Variants in INSL6 observed in about 807,000 individuals in gnomAD.
The protein encoded by INSL6 is insulin-like peptide INSL6.
A neutral mutation model predicts 9.4 loss-of-function variants in INSL6; 16 were observed. The observed-to-expected ratio is 1.70, with a 90% CI of 1.15 to 2.59. The LOEUF is 2.59. Ranked by LOEUF, INSL6 falls within the 30% of genes most tolerant of loss-of-function variation. The probability of loss-of-function intolerance (pLI) is 0.00; values close to 1 mark genes in which losing one functional copy is unlikely to be tolerated. For missense variants in INSL6, 391 were observed against 257.3 expected (o/e 1.52, Z -3.56); for synonymous variants, 154 against 96.9 (o/e 1.59, Z -3.46).
the INSL6 span, among the ~76,000 whole-genome samples, chr9:5,023,427 A>C: frequency 6.6e-6 from 1 of 152,158 alleles, no homozygotes; most frequent in African/African-American, 2.4e-5. Context: ...GTAGCTGCTT[A>C]GGACTCGGGG....
In INSL6 at chr9:5,149,536, G is replaced by A. The variant is rs369266352; in HGVS notation, c.376+14643C>T. On this transcript the variant is annotated intron_variant, in intron 2 of 3. Transcript: ENST00000649639. ...ATACCTACAAATACAGTTAACTAAG[G>A]ATATGAAAGATCTCTATAAGGAAAT... 8.3e-4 allele frequency among the ~76,000 whole-genome samples: 126 copies of A among 152,162 alleles called. 5 individuals carry two copies. In the South Asian group the frequency reaches 0.026, roughly 31 times the overall value.
intron 3 of INSL6, chr9:5,127,290 C>G (rs1404302691): frequency 8.6e-6 from 2 of 232,128 alleles, no homozygotes; most frequent in African/African-American, 2.2e-5. Context: ...CTTCACTATA[C>G]AAACAAATTA....
the INSL6 span, chr9:5,072,775 T>C: frequency 6.4e-6 from 3 of 469,764 alleles, no homozygotes; most frequent in Non-Finnish European, 1.1e-5. Flanking sequence ...CTTGTGGGGC[T>C]ATAGAATTAC....
chr9:5,126,939 T>G, intron 3 of INSL6: 1 of 432,366 alleles, frequency 2.3e-6, no homozygotes, highest in East Asian at 3.7e-5. Flanking sequence ...CTCAAAACTT[T>G]CAAAGTTTAG....
chr9:5,153,635 A>C (rs1824758009), intron 2 of INSL6, among the ~76,000 whole-genome samples: 1 of 152,236 alleles, frequency 6.6e-6, no homozygotes, highest in Non-Finnish European at 1.5e-5. Context: ...AAGTCTCAGG[A>C]TACAAAATCA....
the INSL6 span, among the ~76,000 whole-genome samples, chr9:5,086,274 C>A: frequency 5.7e-4 from 87 of 152,254 alleles, no homozygotes; most frequent in Non-Finnish European, 1.1e-3. Flanking sequence ...GGCCCGCGAT[C>A]CTCCTGCCAG....
At chr9:5,104,779 A>G in the INSL6 span, among the ~76,000 whole-genome samples, 1 of 152,236 alleles carries the variant, frequency 6.6e-6, no homozygotes, top group Non-Finnish European at 1.5e-5. Flanking sequence ...AACGTAATCC[A>G]TAACATAAAC....
chr9:5,000,706 T>A, the INSL6 span, among the ~76,000 whole-genome samples: 3 of 152,200 alleles, frequency 2.0e-5, no homozygotes, highest in Non-Finnish European at 4.4e-5. Context: ...CTGTAATTTC[T>A]CCGGTGTCTT....
the INSL6 span, chr9:5,112,759 G>A: frequency 6.3e-6 from 4 of 638,400 alleles, no homozygotes; most frequent in Non-Finnish European, 9.7e-6. Context: ...GAGAAGAGAA[G>A]GTGTCGCGCG....
At chr9:5,076,050 G>A in the INSL6 span, among the ~76,000 whole-genome samples, 1 of 152,156 alleles carries the variant, frequency 6.6e-6, no homozygotes, top group African/African-American at 2.4e-5. Context: ...ACTAAGAAGT[G>A]GAGCTTGAAG....
At chr9:5,160,548 A>C (rs1037489563), downstream of INSL6, among the ~76,000 whole-genome samples, 9 of 152,290 alleles carry the variant, frequency 5.9e-5, no homozygotes, top group African/African-American at 1.9e-4. Context: ...GAACTAGAAA[A>C]GCAAGAGCAA....
the INSL6 span, chr9:5,090,733 C>G: frequency 6.3e-7 from 1 of 1,583,484 alleles, no homozygotes; most frequent in Non-Finnish European, 8.5e-7. Flanking sequence ...AATGTTTTAT[C>G]CATAGGGTAT....
At chr9:5,112,531 G>T in the INSL6 span, 1 of 591,980 alleles carries the variant, frequency 1.7e-6, no homozygotes, top group East Asian at 3.0e-5. Context: ...GCAGAAGGCC[G>T]AGTGGGAGAA....
chr9:5,052,151 T>C, the INSL6 span, among the ~76,000 whole-genome samples: 1 of 152,112 alleles, frequency 6.6e-6, no homozygotes, highest in Non-Finnish European at 1.5e-5. Context: ...GTTATAAATA[T>C]GAAGCCATCT....
the INSL6 span, among the ~76,000 whole-genome samples, chr9:5,057,251 C>A: frequency 6.6e-6 from 1 of 151,786 alleles, no homozygotes. Flanking sequence ...GTGTATTTTC[C>A]TACCAAATTA....
the INSL6 span, among the ~76,000 whole-genome samples, chr9:5,067,483 A>T: frequency 6.6e-6 from 1 of 152,044 alleles, no homozygotes; most frequent in African/African-American, 2.4e-5. Context: ...AATTATTTTA[A>T]TTTTTATAAA....
At chr9:5,111,618 GC>G in the INSL6 span, 3 of 373,550 alleles carry the variant, frequency 8.0e-6, no homozygotes, top group South Asian at 6.1e-5. Flanking sequence ...GTGGGCTTTG[GC>G]CCCATGCTGG....
intron 1 of INSL6, among the ~76,000 whole-genome samples, chr9:5,175,555 G>A (rs1034470371): frequency 6.6e-6 from 1 of 152,154 alleles, no homozygotes; most frequent in Non-Finnish European, 1.5e-5. Flanking sequence ...ACTGGTCTAT[G>A]GCCTGTTAGG....
chr9:5,052,093 A>G, the INSL6 span, among the ~76,000 whole-genome samples: 4 of 152,274 alleles, frequency 2.6e-5, no homozygotes, highest in Middle Eastern at 3.4e-3. Flanking sequence ...GAAGGAATTC[A>G]GGGGAACACA....
Sources: gnomAD v4.1 joint callset for allele counts (sites outside exome capture counted in the v4.1 genomes callset) on GRCh38, gnomAD v4.1.1 for gene constraint, MANE v1.5 for transcripts, NCBI Gene and HGNC (gene_info 2026-07-23, HGNC 2026-07-21) for gene names.